The following COL6A2 variants were observed in gnomAD, a reference collection of about 807,000 sequenced individuals.
The protein encoded by COL6A2 is collagen alpha-2(VI) chain.
In COL6A2, 90 loss-of-function variants were observed where a neutral mutation model predicts 124.9. The observed-to-expected ratio is 0.72, with a 90% confidence interval of 0.61 to 0.86. COL6A2 has a LOEUF of 0.86. Among genes scored for constraint, COL6A2 ranks in the 40% least tolerant of loss-of-function variants. The pLI is 0.00. For synonymous variants in COL6A2, 793 were observed against 618.2 expected, an observed-to-expected ratio of 1.28 and a Z score of -4.19; for missense variants, 1,607 against 1,502.5, an observed-to-expected ratio of 1.07 and a Z score of -1.15.
chr21:46,116,753 C>T lies in COL6A2; in HGVS notation c.955-17C>T, dbSNP rs372393202. ...AGGACCGGGGCTAATGGAGTTCCCT[C>T]TTCCTTCTCTCTTCAGGGGGCCCCT... On this transcript the variant is annotated splice_polypyrimidine_tract_variant and intron_variant, in intron 9 of 27. Transcript: ENST00000300527. The surrounding 1 kb of genome is among the most constrained non-coding windows in gnomAD (Gnocchi z 4.6). The T allele has an allele frequency of 2.2e-5, 36 of 1,613,004 alleles. No individual in the cohort carries two copies. The highest frequency in any genetic ancestry group is 2.7e-5 in the Non-Finnish European group (32 of 1,180,034).
chr21:46,129,703 C>A, intron 27 of COL6A2: 1 of 1,413,482 alleles, frequency 7.1e-7, no homozygotes, highest in South Asian at 1.7e-5. Context: ...TCCAGTCTCT[C>A]CTCCGTCTTC....
At chr21:46,125,429 C>G in intron 24 of COL6A2, 36 bp from the exon 25 acceptor site, 1 of 1,610,630 alleles carries the variant, frequency 6.2e-7, no homozygotes, top group Non-Finnish European at 8.5e-7. Flanking sequence ...TCTGAGGTCT[C>G]CCCGGTACCC....
intron 1 of COL6A2, 142 bp downstream of exon 1, chr21:46,098,315 C>T (rs983883473): frequency 1.3e-5 from 2 of 152,046 alleles, no homozygotes; most frequent in East Asian, 1.9e-4. Flanking sequence ...GCGGGGGGCT[C>T]GGCGGGTTCG....
rs566962741 is a variant in COL6A2, at chr21:46,116,278, G to A, written c.901-99G>A. On this transcript the variant is annotated intron_variant, in intron 7 of 27. Transcript: ENST00000300527. The surrounding 1 kb of genome is among the most constrained non-coding windows in gnomAD (Gnocchi z 4.6). ...TTTGTCGAGAACACTAGATGCCAGCGGCCCACCGAGCACTCCCCTCAGCCT... is the reference window on the plus strand; with the variant it reads ...TTTGTCGAGAACACTAGATGCCAGCAGCCCACCGAGCACTCCCCTCAGCCT... 412 of 1,392,418 alleles carry A rather than the reference G, an allele frequency of 3.0e-4. 2 individuals carry two copies. The African/African-American group carries it at 5.0e-3, about 17-fold the overall frequency. The allele number at this position is 1,392,418 out of a possible 1,614,324, so 86.3% of individuals were successfully genotyped here. A position where few individuals can be genotyped will look rare whatever the true frequency, so the allele number is the denominator to read the frequency against.
rs779399518 is a variant in COL6A2 at position 46,130,294 on chromosome 21, C to T, written c.2462-1660C>T. Among the ~76,000 whole-genome samples the T allele has an allele frequency of 2.4e-4, 36 of 152,352 alleles. 1 individual carries two copies. Among genetic ancestry groups the T allele is most frequent in the East Asian group, 9.6e-4 (5 of 5,192 alleles). ...GAGCATCCACCAGGCACAACCTCTGCGGTCCTCAGAGGACTGAGCAGAGAA... is the reference window on the plus strand; with the variant it reads ...GAGCATCCACCAGGCACAACCTCTGTGGTCCTCAGAGGACTGAGCAGAGAA... On this transcript the variant is annotated intron_variant, in intron 27 of 27. Transcript: ENST00000300527.
rs140603084 is a variant in COL6A2, at chr21:46,127,251, C to T, written c.2461+710C>T. Among the ~76,000 whole-genome samples the T allele has an allele frequency of 2.0e-4, 31 of 152,216 alleles. No individual in the cohort carries two copies. The South Asian group carries it at 4.3e-3, about 21-fold the overall frequency. On this transcript the variant is annotated intron_variant, in intron 27 of 27. Transcript: ENST00000300527. ...GCCATGGAGACAGGGTGGGAGGGTCCGACCTGGAGGACCACAGGGAGGAAA... is the reference window on the plus strand; with the variant it reads ...GCCATGGAGACAGGGTGGGAGGGTCTGACCTGGAGGACCACAGGGAGGAAA...
intron 10 of COL6A2, 62 bp from the exon 11 acceptor site, chr21:46,117,338 C>A: frequency 2.0e-6 from 3 of 1,532,836 alleles, no homozygotes; most frequent in South Asian, 1.1e-5. Context: ...GTGTCTTGGT[C>A]GTTGGCACAC....
intron 4 of COL6A2, 171 bp downstream of exon 4, chr21:46,112,995 C>T: frequency 2.5e-6 from 2 of 807,362 alleles, no homozygotes; most frequent in Non-Finnish European, 4.1e-6. Flanking sequence ...GGGCTCCCAG[C>T]CAAAGCTAGG....
In COL6A2 at chr21:46,125,328, G is replaced by C. The variant is rs746141660; in HGVS notation, c.1816+17G>C. 1 of 1,492,766 alleles carries C rather than the reference G, an allele frequency of 6.7e-7. No homozygotes were observed. Among genetic ancestry groups the C allele is most frequent in the Non-Finnish European group, 9.3e-7 (1 of 1,076,850 alleles). The allele number at this position is 1,492,766 out of a possible 1,614,324, so 92.5% of individuals were successfully genotyped here. A position where few individuals can be genotyped will look rare whatever the true frequency, so the allele number is the denominator to read the frequency against. On this transcript the variant is annotated intron_variant, in intron 24 of 27. Transcript: ENST00000300527. The stretch of plus-strand genomic sequence containing the variant: ...GGTGCTGCGGTGAGGCACTGCCCAC[G>C]GCAGGGTCGGGGCCCATGCACCGGG...
chr21:46,128,598 G>A (rs2078710451), intron 27 of COL6A2, among the ~76,000 whole-genome samples: 2 of 152,250 alleles, frequency 1.3e-5, no homozygotes, highest in Admixed American at 6.5e-5. Flanking sequence ...GGGTGCTGGA[G>A]AAACAAACCA....
intron 25 of COL6A2, 61 bp from the exon 26 acceptor site, chr21:46,125,724 T>G (rs1002741060): frequency 6.2e-7 from 1 of 1,601,286 alleles, no homozygotes; most frequent in Non-Finnish European, 8.5e-7. Flanking sequence ...GGCCTCTGCA[T>G]GGCTGGGGAT....
rs561771249 is a variant in COL6A2 at position 46,112,254 on chromosome 21, G to A, written c.391G>A (p.Gly131Ser). ...GCAGGGCATCAGCTCCTTCCGCCGC[G>A]GCACCTTCACCGACTGCGCGCTGGC... is the stretch of plus-strand genomic sequence containing the variant. ...NLQGISSFRRGTFTDCALANM... is the reference protein window; with the variant it reads ...NLQGISSFRRSTFTDCALANM... The change falls in exon 3 of 28, where the codon GGC (glycine) becomes AGC (serine). Residue 131 changes from glycine to serine, a missense_variant. Physicochemically the swap from Gly to Ser is moderately conservative, Grantham distance 56. This residue lies in a region of COL6A2 where 342 missense variants were observed against 381.5 expected (regional missense o/e 0.90). Coordinates refer to ENST00000300527, the MANE Select transcript of COL6A2 (RefSeq NM_001849.4). The A allele has an allele frequency of 5.1e-5, 82 of 1,612,796 alleles. No homozygotes were observed. The South Asian group carries it at 7.2e-4, about 14-fold the overall frequency.
In COL6A2 at chr21:46,122,855, A is replaced by T; in HGVS notation, c.1609-20A>T. ...GAGACAGCTCCTCTGTCCCAGGCTA[A>T]CATGTGTTCCCTGTCACAGGGAGGC... On this transcript the variant is annotated intron_variant, in intron 20 of 27. Transcript: ENST00000300527. The T allele has an allele frequency of 6.2e-7, 1 of 1,611,288 alleles. No individual in the cohort carries two copies. Among genetic ancestry groups the T allele is most frequent in the Non-Finnish European group, 8.5e-7 (1 of 1,178,154 alleles).
rs561980094 is a variant in COL6A2 at position 46,099,921 on chromosome 21, A to G, written c.-28+1748A>G. Among the ~76,000 whole-genome samples, 66 of 65,996 alleles carry G rather than the reference A, an allele frequency of 1.0e-3. 4 individuals carry two copies. Among genetic ancestry groups the G allele is most frequent in the East Asian group, 7.6e-3 (18 of 2,360 alleles). 43.3% of individuals were successfully genotyped at this position (65,996 alleles called of 152,430 possible). A position where few individuals can be genotyped will look rare whatever the true frequency, so the allele number is the denominator to read the frequency against. On this transcript the variant is annotated intron_variant, in intron 1 of 27. Coordinates refer to ENST00000300527, the MANE Select transcript of COL6A2 (RefSeq NM_001849.4). ...TTTTTTTTTTTTTTTTTCTCATTTC[A>G]TAGATAAGGAATGATGCCTTGTTGG...
intron 21 of COL6A2, among the ~76,000 whole-genome samples, chr21:46,123,796 A>G (rs2078608170): frequency 2.2e-5 from 3 of 138,190 alleles, no homozygotes; most frequent in South Asian, 4.6e-4. Flanking sequence ...GTATGTATGG[A>G]TGGGTTAGTG....
At position 46,112,195 on chromosome 21, in the gene COL6A2, CG is replaced by C; in HGVS notation, c.335del (p.Gly112AlafsTer30). ...FSDQVEVFSP[P>X]GSDRASFIKN... ...GACCAGGTGGAGGTGTTCAGCCCAC[CG>C]GGCAGCGACCGGGCCTCCTTCATCA... On this transcript the variant is annotated frameshift_variant, in exon 3 of 28. Transcript: ENST00000300527. LOFTEE classifies it high-confidence loss of function. The C allele has an allele frequency of 6.2e-7, 1 of 1,612,952 alleles. No individual in the cohort carries two copies. Among genetic ancestry groups the C allele is most frequent in the South Asian group, 1.1e-5 (1 of 91,076 alleles).
intron 17 of COL6A2, 53 bp from the exon 18 acceptor site, chr21:46,121,503 G>A (rs547691169): frequency 5.0e-5 from 78 of 1,571,768 alleles, no homozygotes; most frequent in Admixed American, 3.0e-4. Flanking sequence ...GTGACCCCTG[G>A]GCATGGCCAG....
At chr21:46,102,706 A>AT (rs35972772) in intron 1 of COL6A2, among the ~76,000 whole-genome samples, 61,384 of 147,124 alleles carry the variant, frequency 0.42, 14,453 homozygotes, top group Admixed American at 0.54. Flanking sequence ...ACATTGATTG[A>AT]TTTTTTTTTT....
At chr21:46,122,604 G>A in intron 20 of COL6A2, 73 bp downstream of exon 20, 5 of 1,527,722 alleles carry the variant, frequency 3.3e-6, no homozygotes, top group Admixed American at 1.7e-5. Flanking sequence ...GGAACACAAT[G>A]CCCACCGTCA....
Sources: allele counts gnomAD v4.1 joint callset (sites outside exome capture counted in the v4.1 genomes callset), GRCh38; gene constraint gnomAD v4.1.1; regional missense constraint gnomAD v4.1.1; non-coding constraint Gnocchi (gnomAD v3.1); transcripts MANE v1.5; gene names NCBI Gene and HGNC (gene_info 2026-07-23, HGNC 2026-07-21).